Variants in SLC9B1 observed in about 807,000 individuals in gnomAD.
SLC9B1 encodes solute carrier family 9 member B1.
SLC9B1 carries 32 observed loss-of-function variants against 51.7 expected under a neutral mutation model. That is an observed-to-expected ratio of 0.62 (90% CI 0.47 to 0.83). SLC9B1 has a LOEUF of 0.83. Ranked by LOEUF, SLC9B1 falls within the 40% of genes least tolerant of loss-of-function variation. The pLI is 0.00. For missense variants in SLC9B1, 406 were observed against 613.2 expected (o/e 0.66, Z 3.57); for synonymous variants, 145 against 212.7 (o/e 0.68, Z 2.77).
intron 1 of SLC9B1, among the ~76,000 whole-genome samples, chr4:103,000,791 G>A (rs549012108): frequency 3.9e-5 from 6 of 152,284 alleles, no homozygotes; most frequent in South Asian, 2.1e-4. Flanking sequence ...AGTGTCTGCC[G>A]ACATTACAGG....
Position 102,911,545 on chromosome 4 carries a change from G to A in SLC9B1, c.830-8C>T. On this transcript the variant is annotated splice_polypyrimidine_tract_variant and splice_region_variant and intron_variant, in intron 7 of 11. Transcript: ENST00000296422. ...CGTTATTAAGTATACCACCTGTAGG[G>A]GCACACAATAAAAAAAAATTCACAA... 5 of 1,554,538 alleles carry A rather than the reference G, an allele frequency of 3.2e-6. No homozygotes were observed. The highest frequency in any genetic ancestry group is 4.4e-6 in the Non-Finnish European group (5 of 1,148,582).
chr4:102,903,624 G>A (rs547027844), intron 11 of SLC9B1, among the ~76,000 whole-genome samples: 1 of 152,386 alleles, frequency 6.6e-6, no homozygotes, highest in East Asian at 1.9e-4. Flanking sequence ...AAATTTAGGA[G>A]CTTCTGTTTT....
intron 6 of SLC9B1, among the ~76,000 whole-genome samples, chr4:102,938,594 T>TA (rs1331367409): frequency 6.6e-6 from 1 of 152,208 alleles, no homozygotes; most frequent in African/African-American, 2.4e-5. Context: ...GTACATGGCA[T>TA]ATATTGTAAA....
chr4:102,929,976 T>A (rs1436996560), intron 7 of SLC9B1, among the ~76,000 whole-genome samples: 1 of 152,184 alleles, frequency 6.6e-6, no homozygotes, highest in Non-Finnish European at 1.5e-5. Context: ...AATTACAAAT[T>A]GAAAAAACTA....
At chr4:102,933,048 G>C (rs895277199) in intron 6 of SLC9B1, among the ~76,000 whole-genome samples, 1 of 152,112 alleles carries the variant, frequency 6.6e-6, no homozygotes, top group African/African-American at 2.4e-5. Flanking sequence ...CCAGAATTTC[G>C]CCTCATCTCT....
At chr4:102,926,226 G>A (rs999661352) in intron 7 of SLC9B1, among the ~76,000 whole-genome samples, 3 of 152,168 alleles carry the variant, frequency 2.0e-5, no homozygotes, top group African/African-American at 7.2e-5. Context: ...TATTCAACAT[G>A]GTGTTGGAAG....
chr4:102,991,807 A>AT (rs943586834), intron 1 of SLC9B1, 95 bp from the exon 2 acceptor site: 34 of 822,154 alleles, frequency 4.1e-5, no homozygotes, highest in African/African-American at 3.7e-4. Flanking sequence ...TTTTTAAAGG[A>AT]TTTTTTGTTC....
chr4:102,913,333 T>C (rs890778240), intron 7 of SLC9B1, among the ~76,000 whole-genome samples: 4 of 152,158 alleles, frequency 2.6e-5, no homozygotes, highest in Non-Finnish European at 4.4e-5. Context: ...CACAGACAGA[T>C]ACCAGAGAGA....
downstream of SLC9B1, among the ~76,000 whole-genome samples, chr4:102,898,972 A>T (rs889049299): frequency 7.9e-5 from 12 of 152,016 alleles, no homozygotes; most frequent in Non-Finnish European, 7.4e-5. Flanking sequence ...CCCTCCCCTG[A>T]CCTCATGATC....
intron 3 of SLC9B1, among the ~76,000 whole-genome samples, chr4:102,950,608 A>G (rs1319845982): frequency 6.6e-6 from 1 of 152,246 alleles, no homozygotes; most frequent in Admixed American, 6.5e-5. Context: ...CACTCCAGGC[A>G]GAAAGTTAGA....
At chr4:102,905,908 A>T (rs1236145913) in intron 10 of SLC9B1, among the ~76,000 whole-genome samples, 3 of 152,062 alleles carry the variant, frequency 2.0e-5, no homozygotes, top group African/African-American at 7.2e-5. Flanking sequence ...GAACTAATAG[A>T]CTTCTTTTGA....
In SLC9B1 at chr4:102,911,418, A is replaced by G. The variant is rs776347998; in HGVS notation, c.936+13T>C. On this transcript the variant is annotated intron_variant, in intron 8 of 11. Transcript: ENST00000296422. ...CTAATACTATACTTCTATAAAATAG[A>G]TTTTGTATTTACCTGGTCTTCACTT... 25 of 1,557,930 alleles carry G rather than the reference A, an allele frequency of 1.6e-5. No individual in the cohort carries two copies. The highest frequency in any genetic ancestry group is 1.9e-5 in the Non-Finnish European group (22 of 1,146,196).
At position 102,911,469 on chromosome 4, in the gene SLC9B1, A is replaced by G. The variant is rs1351497246; in HGVS notation, c.898T>C (p.Leu300=). The change falls in exon 8 of 12, where the codon TTG becomes CTG. Residue 300 remains leucine (L), a synonymous_variant. Coordinates refer to ENST00000296422, the MANE Select transcript of SLC9B1 (RefSeq NM_139173.4). ...VCISLLAGIV[L]GFFVRYFPSE... ...GGAAAATATCGAACAAAAAATCCCA[A>G]AACAATTCCTGCCAGCAGACTAATA... is the stretch of plus-strand genomic sequence containing the variant. The G allele has an allele frequency of 1.3e-6, 2 of 1,597,076 alleles. No individual in the cohort carries two copies. The highest frequency in any genetic ancestry group is 1.7e-6 in the Non-Finnish European group (2 of 1,179,512).
At position 102,945,216 on chromosome 4, in the gene SLC9B1, G is replaced by A. The variant is rs1172249235; in HGVS notation, c.630C>T (p.Pro210=). 1 of 1,607,348 alleles carries A rather than the reference G, an allele frequency of 6.2e-7. No homozygotes were observed. Among genetic ancestry groups the A allele is most frequent in the Non-Finnish European group, 8.5e-7 (1 of 1,175,718 alleles). Residue 210 remains proline, a synonymous_variant, in exon 6 of 12, where the codon CCC becomes CCT. Coordinates refer to ENST00000296422, the MANE Select transcript of SLC9B1 (RefSeq NM_139173.4). The part of the protein sequence containing the change: ...AVFSHFIMKF[P]WQWAFLLGFV... ...ACCCTAATAGAAATGCCCATTGCCA[G>A]GGAAATTTCATAATGAAGTGTGAAA... is the stretch of plus-strand genomic sequence containing the variant.
At chr4:102,896,975 CTT>C (rs1403704655), downstream of SLC9B1, 1 of 155,750 alleles carries the variant, frequency 6.4e-6, no homozygotes, top group Non-Finnish European at 1.5e-5. Flanking sequence ...TTAAAGATCT[CTT>C]TGGCAAGTTG....
intron 3 of SLC9B1, among the ~76,000 whole-genome samples, chr4:102,979,906 AC>A (rs1739267074): frequency 6.6e-6 from 1 of 152,088 alleles, no homozygotes; most frequent in Non-Finnish European, 1.5e-5. Context: ...AAGAAAAAAA[AC>A]AAACAACCCC....
chr4:102,965,505 C>G (rs187678921), intron 3 of SLC9B1, among the ~76,000 whole-genome samples: 2,543 of 152,186 alleles, frequency 0.017, 69 homozygotes, highest in African/African-American at 0.055. Context: ...AGGACTGCAC[C>G]AAGCTGCTCA....
At chr4:102,933,344 G>T (rs1274215579) in intron 6 of SLC9B1, among the ~76,000 whole-genome samples, 1 of 152,154 alleles carries the variant, frequency 6.6e-6, no homozygotes, top group Admixed American at 6.5e-5. Flanking sequence ...CCTCTATGGT[G>T]CAGTTTATGC....
downstream of SLC9B1, among the ~76,000 whole-genome samples, chr4:102,900,758 T>C (rs867445684): frequency 1.2e-4 from 18 of 152,394 alleles, no homozygotes; most frequent in Middle Eastern, 3.4e-3. Flanking sequence ...TAGGCTATCT[T>C]ACCAAGTTCA....
Sources: gnomAD v4.1 joint callset for allele counts (sites outside exome capture counted in the v4.1 genomes callset) on GRCh38, gnomAD v4.1.1 for gene constraint, MANE v1.5 for transcripts, NCBI Gene and HGNC (gene_info 2026-07-23, HGNC 2026-07-21) for gene names.